Variants in GPBP1 observed in about 807,000 individuals in gnomAD.
GPBP1 encodes the protein GC-rich promoter binding protein 1.
Under a neutral mutation model 56.5 loss-of-function variants are expected in GPBP1, and 13 were observed. The ratio of observed to expected loss-of-function variants is 0.23; its 90% CI spans 0.15 to 0.37. The LOEUF (loss-of-function observed/expected upper bound fraction) is 0.37. GPBP1 is among the 10% of genes least tolerant of loss of function. GPBP1 has a pLI of 1.00. For missense variants in GPBP1, 477 were observed against 572.3 expected (o/e 0.83, Z 1.70); for synonymous variants, 204 against 188.9 (o/e 1.08, Z -0.66).
In GPBP1 at chr5:57,180,628, T is replaced by C. The variant is rs554836638; in HGVS notation, c.-58+4228T>C. 2.6e-5 allele frequency among the ~76,000 whole-genome samples: 4 copies of C among 152,316 alleles called. No individual in the cohort carries two copies. The South Asian group carries it at 8.3e-4, about 32-fold the overall frequency. On this transcript the variant is annotated intron_variant, in intron 2 of 11. Coordinates refer to ENST00000506184, the MANE Select transcript of GPBP1 (RefSeq NM_022913.4). Reference sequence around the variant, plus strand: ...TATGGAATATCTAGAAAAATGCCTGTGTGACTGTATGTTCACCTAACTTTT... The same window carrying C: ...TATGGAATATCTAGAAAAATGCCTGCGTGACTGTATGTTCACCTAACTTTT...
intron 3 of GPBP1, among the ~76,000 whole-genome samples, chr5:57,223,319 A>G (rs1756034391): frequency 6.6e-6 from 1 of 151,986 alleles, no homozygotes; most frequent in African/African-American, 2.4e-5. Context: ...TGATCTCCTG[A>G]CCCCTTGGTC....
rs187572867 is a variant in GPBP1 at position 57,258,764 on chromosome 5, A to G, written c.1161-2416A>G. On this transcript the variant is annotated intron_variant, in intron 10 of 11. Coordinates refer to ENST00000506184, the MANE Select transcript of GPBP1 (RefSeq NM_022913.4). ...TCAAAGTGCTGGAATTACAGGCATG[A>G]GCCACCATGCTCGGCTAGATTATTT... is the stretch of plus-strand genomic sequence containing the variant. Among the ~76,000 whole-genome samples, 364 of 152,346 alleles carry G rather than the reference A, an allele frequency of 2.4e-3. 1 individual carries two copies. The highest frequency in any genetic ancestry group is 6.4e-3 in the Admixed American group (98 of 15,298).
In GPBP1 at chr5:57,230,997, T is replaced by C. The variant is rs1429113286; in HGVS notation, c.187+28T>C. The stretch of plus-strand genomic sequence containing the variant: ...AAAATTTGCTAAGGAATGATGTTTA[T>C]GGCTAATTTTCTTTATGATTTTTAA... On this transcript the variant is annotated intron_variant, in intron 4 of 11. Coordinates refer to ENST00000506184, the MANE Select transcript of GPBP1 (RefSeq NM_022913.4). 5 of 1,586,570 alleles carry C rather than the reference T, an allele frequency of 3.2e-6. No individual in the cohort carries two copies. The East Asian group carries it at 6.7e-5, about 21-fold the overall frequency.
At chr5:57,216,379 C>G (rs942192243) in intron 3 of GPBP1, among the ~76,000 whole-genome samples, 2 of 152,082 alleles carry the variant, frequency 1.3e-5, no homozygotes, top group Admixed American at 6.6e-5. Context: ...CAGACTCTTG[C>G]AATTGAGTTT....
In GPBP1 at chr5:57,192,753, CAAAAAAAAAA is replaced by C. The variant is rs70999061; in HGVS notation, c.-58+16365_-58+16374del. Among the ~76,000 whole-genome samples, 6 of 103,214 alleles carry C rather than the reference CAAAAAAAAAA, an allele frequency of 5.8e-5. No homozygotes were observed. The East Asian group carries it at 1.6e-3, about 27-fold the overall frequency. 67.7% of individuals were successfully genotyped at this position (103,214 alleles called of 152,430 possible). Reference sequence around the variant, plus strand: ...GGGCAACGAGAGCGGAACTCCGTCTCAAAAAAAAAAAAAAAAAAAAATTAGGAGTTACTTA... The same window carrying C: ...GGGCAACGAGAGCGGAACTCCGTCTCAAAAAAAAAAATTAGGAGTTACTTA... On this transcript the variant is annotated intron_variant, in intron 2 of 11. Coordinates refer to ENST00000506184, the MANE Select transcript of GPBP1 (RefSeq NM_022913.4).
intron 3 of GPBP1, among the ~76,000 whole-genome samples, chr5:57,215,764 A>G (rs1296268416): frequency 2.0e-5 from 3 of 151,944 alleles, no homozygotes; most frequent in Non-Finnish European, 2.9e-5. Flanking sequence ...ACCCTTGGCA[A>G]AATCTTTGAG....
At position 57,233,516 on chromosome 5, in the gene GPBP1, C is replaced by T. The variant is rs1756544141; in HGVS notation, c.411+2195C>T. ...TAACTACTAGTAGCCTACTGCTGAC[C>T]AAACTCTTGATTATAATATAAACAG... On this transcript the variant is annotated intron_variant, in intron 5 of 11. Transcript: ENST00000506184. Among the ~76,000 whole-genome samples the T allele has an allele frequency of 5.3e-5, 8 of 152,112 alleles. No homozygotes were observed. In the South Asian group the frequency reaches 1.7e-3, roughly 31 times the overall value.
chr5:57,200,069 G>A lies in GPBP1; in HGVS notation c.-57-14005G>A, dbSNP rs149587348. On this transcript the variant is annotated intron_variant, in intron 2 of 11. Transcript: ENST00000506184. ...TTTTTTCTGAAACAAGTCTTGCTCT[G>A]TCTGTGGCCCATTCTTAAAGTGACT... Among the ~76,000 whole-genome samples the A allele has an allele frequency of 4.2e-5, 4 of 96,318 alleles. No homozygotes were observed. In the East Asian group the frequency reaches 1.4e-3, roughly 34 times the overall value. The allele number at this position is 96,318 out of a possible 152,430, so 63.2% of individuals were successfully genotyped here.
chr5:57,263,557 G>A lies in GPBP1; in HGVS notation c.*805G>A, dbSNP rs185615990. On this transcript the variant is annotated 3_prime_UTR_variant, in exon 12 of 12. Transcript: ENST00000506184. ...GATCACACTGACTGGATCTGTCCACGACATGGAAAATAAACTGGATTTTCA... is the reference window on the plus strand; with the variant it reads ...GATCACACTGACTGGATCTGTCCACAACATGGAAAATAAACTGGATTTTCA... The A allele has an allele frequency of 2.0e-5, 3 of 152,238 alleles. No individual in the cohort carries two copies. The highest frequency in any genetic ancestry group is 2.1e-4 in the South Asian group (1 of 4,822). 9.4% of individuals were successfully genotyped at this position (152,238 alleles called of 1,614,324 possible).
intron 2 of GPBP1, among the ~76,000 whole-genome samples, chr5:57,210,147 A>T (rs1445876668): frequency 6.6e-6 from 1 of 152,154 alleles, no homozygotes; most frequent in African/African-American, 2.4e-5. Context: ...ATCTATTTGT[A>T]TTTTTTGCCA....
At chr5:57,225,093 A>C (rs1180609337) in intron 3 of GPBP1, among the ~76,000 whole-genome samples, 1 of 152,188 alleles carries the variant, frequency 6.6e-6, no homozygotes, top group Non-Finnish European at 1.5e-5. Context: ...TTGTACTTTA[A>C]AGACTGACAT....
At chr5:57,195,735 G>A (rs958427528) in intron 2 of GPBP1, among the ~76,000 whole-genome samples, 1 of 151,936 alleles carries the variant, frequency 6.6e-6, no homozygotes, top group African/African-American at 2.4e-5. Context: ...GCAGTGGCTC[G>A]TGAGCGCCTG....
chr5:57,200,021 CTTTTTTTTTT>C lies in GPBP1; in HGVS notation c.-57-14034_-57-14025del, dbSNP rs61426559. ...CTGCGCCTGGCCCTTACTTGAAAAT[CTTTTTTTTTT>C]TTTTTTTTTTTTTTTTTTCTGAAAC... On this transcript the variant is annotated intron_variant, in intron 2 of 11. Coordinates refer to ENST00000506184, the MANE Select transcript of GPBP1 (RefSeq NM_022913.4). Among the ~76,000 whole-genome samples the C allele has an allele frequency of 2.0e-3, 116 of 58,900 alleles. 1 individual carries two copies. Among genetic ancestry groups the C allele is most frequent in the South Asian group, 0.018 (20 of 1,106 alleles). 38.6% of individuals were successfully genotyped at this position (58,900 alleles called of 152,430 possible).
chr5:57,221,416 T>C (rs769919785), intron 3 of GPBP1: 126 of 1,469,286 alleles, frequency 8.6e-5, no homozygotes, highest in Middle Eastern at 7.0e-4. Flanking sequence ...ACTGAAAGAA[T>C]ATTGAACAGA....
rs148766695 is a variant in GPBP1 at position 57,179,059 on chromosome 5, G to C, written c.-58+2659G>C. 1.5e-3 allele frequency among the ~76,000 whole-genome samples: 224 copies of C among 152,274 alleles called. 1 individual carries two copies. Among genetic ancestry groups the C allele is most frequent in the Middle Eastern group, 6.8e-3 (2 of 294 alleles). On this transcript the variant is annotated intron_variant, in intron 2 of 11. Coordinates refer to ENST00000506184, the MANE Select transcript of GPBP1 (RefSeq NM_022913.4). Reference sequence around the variant, plus strand: ...GGATTTAGGGGGGCTGAGACTGGGAGAAAGTTACTTTGTTAGAATTGTAAT... The same window carrying C: ...GGATTTAGGGGGGCTGAGACTGGGACAAAGTTACTTTGTTAGAATTGTAAT...
Position 57,186,871 on chromosome 5 carries a change from C to G in GPBP1, c.-58+10471C>G, listed in dbSNP as rs191909067. On this transcript the variant is annotated intron_variant, in intron 2 of 11. Coordinates refer to ENST00000506184, the MANE Select transcript of GPBP1 (RefSeq NM_022913.4). ...CAGGCGAGAGCCGCTGTGACCACCC[C>G]TATTTTTTTTTTTCCATGTAAATGT... 2.5e-3 allele frequency among the ~76,000 whole-genome samples: 383 copies of G among 152,056 alleles called. 1 individual carries two copies. Among genetic ancestry groups the G allele is most frequent in the Non-Finnish European group, 4.3e-3 (291 of 67,956 alleles).
Position 57,176,414 on chromosome 5 carries a change from T to C in GPBP1, c.-58+14T>C, listed in dbSNP as rs1753788283. The C allele has an allele frequency of 6.2e-6, 1 of 162,196 alleles. No individual in the cohort carries two copies. Among genetic ancestry groups the C allele is most frequent in the Admixed American group, 6.4e-5 (1 of 15,574 alleles). 10.0% of individuals were successfully genotyped at this position (162,196 alleles called of 1,614,324 possible). A position where few individuals can be genotyped will look rare whatever the true frequency, so the allele number is the denominator to read the frequency against. ...CTGTTGGAATTTGTAAGTACTATTA[T>C]GGTGAGCAAATCAAATGTTCATTTG... On this transcript the variant is annotated intron_variant, in intron 2 of 11. Coordinates refer to ENST00000506184, the MANE Select transcript of GPBP1 (RefSeq NM_022913.4).
At chr5:57,187,118 T>C (rs1427784429) in intron 2 of GPBP1, among the ~76,000 whole-genome samples, 1 of 152,064 alleles carries the variant, frequency 6.6e-6, no homozygotes, top group African/African-American at 2.4e-5. Context: ...TTTTTTCTGC[T>C]TTAACATTGG....
intron 2 of GPBP1, among the ~76,000 whole-genome samples, chr5:57,197,550 G>T (rs1754821458): frequency 6.6e-6 from 1 of 151,790 alleles, no homozygotes; most frequent in Non-Finnish European, 1.5e-5. Context: ...GTAGAGATGG[G>T]GTTTTGCCAT....
Sources: gnomAD v4.1 joint callset for allele counts (sites outside exome capture counted in the v4.1 genomes callset) on GRCh38, gnomAD v4.1.1 for gene constraint, MANE v1.5 for transcripts, NCBI Gene and HGNC (gene_info 2026-07-23, HGNC 2026-07-21) for gene names.